Variants in ACSM5 observed in about 807,000 individuals in gnomAD.
ACSM5 encodes acyl-CoA synthetase medium chain family member 5.
In ACSM5, 56 loss-of-function variants were observed where a neutral mutation model predicts 71.6. The ratio of observed to expected loss-of-function variants is 0.78; its 90% CI spans 0.63 to 0.98. The LOEUF (loss-of-function observed/expected upper bound fraction) is 0.98, where lower values mean the gene tolerates loss of function less well. Ranked by LOEUF, ACSM5 falls within the 50% of genes least tolerant of loss-of-function variation. The probability of loss-of-function intolerance (pLI) is 0.00; values close to 1 mark genes in which losing one functional copy is unlikely to be tolerated. For missense variants in ACSM5, 723 were observed against 726.0 expected (o/e 1.00, Z 0.05); for synonymous variants, 285 against 281.5 (o/e 1.01, Z -0.12).
chr16:20,431,135 T>C (rs1314176679), intron 9 of ACSM5, 62 bp downstream of exon 9: 3 of 1,601,034 alleles, frequency 1.9e-6, no homozygotes, highest in Non-Finnish European at 1.7e-6. Context: ...CACACAGGCC[T>C]GGTTGGCACG....
At chr16:20,426,841 G>A (rs958591060) in intron 6 of ACSM5, among the ~76,000 whole-genome samples, 195 of 152,190 alleles carry the variant, frequency 1.3e-3, no homozygotes, top group Admixed American at 3.0e-3. Flanking sequence ...TGGTAGCGAT[G>A]GTTGCACAAC....
At chr16:20,425,029 A>G (rs1289837058) in intron 6 of ACSM5, among the ~76,000 whole-genome samples, 1 of 152,206 alleles carries the variant, frequency 6.6e-6, no homozygotes, top group Non-Finnish European at 1.5e-5. Flanking sequence ...TTTAAAATGT[A>G]CAATTAAGTT....
chr16:20,437,877 C>G (rs1056885040), intron 12 of ACSM5, among the ~76,000 whole-genome samples: 2 of 151,018 alleles, frequency 1.3e-5, no homozygotes, highest in Non-Finnish European at 2.9e-5. Context: ...GGCTGAAGTG[C>G]AGTGGCATGA....
chr16:20,415,260 G>A (rs1275145367), intron 2 of ACSM5, among the ~76,000 whole-genome samples: 2 of 152,218 alleles, frequency 1.3e-5, no homozygotes, highest in Non-Finnish European at 2.9e-5. Flanking sequence ...GATATTCACT[G>A]TCAGAAAAGT....
chr16:20,438,089 A>G (rs1284533598), intron 12 of ACSM5, among the ~76,000 whole-genome samples: 2 of 151,852 alleles, frequency 1.3e-5, no homozygotes, highest in South Asian at 2.1e-4. Context: ...CCGGCTCCCA[A>G]AGTGCTGGGA....
chr16:20,430,242 A>C (rs1967068359), intron 8 of ACSM5, among the ~76,000 whole-genome samples: 1 of 151,064 alleles, frequency 6.6e-6, no homozygotes, highest in African/African-American at 2.4e-5. Context: ...CACACTACTT[A>C]TAAATTAAAA....
At chr16:20,422,926 A>G (rs113402288) in intron 5 of ACSM5, among the ~76,000 whole-genome samples, 4,957 of 152,296 alleles carry the variant, frequency 0.033, 113 homozygotes, top group South Asian at 0.061. Context: ...GAACTGTGGG[A>G]TGAGCTGTCT....
At chr16:20,420,026 G>T (rs1432595811) in intron 4 of ACSM5, among the ~76,000 whole-genome samples, 1 of 152,204 alleles carries the variant, frequency 6.6e-6, no homozygotes, top group Non-Finnish European at 1.5e-5. Context: ...GTGCTAAAAA[G>T]TAGTCAAGTC....
At chr16:20,421,615 CTATATA>C (rs59443556) in intron 5 of ACSM5, among the ~76,000 whole-genome samples, 11,568 of 105,154 alleles carry the variant, frequency 0.11, 707 homozygotes, top group Admixed American at 0.16. Flanking sequence ...TAAATCGTGG[CTATATA>C]TATATATATA....
At position 20,424,178 on chromosome 16, in the gene ACSM5, T is replaced by C. The variant is rs542697417; in HGVS notation, c.921+109T>C. 96 of 1,383,734 alleles carry C rather than the reference T, an allele frequency of 6.9e-5. 1 individual carries two copies. The African/African-American group carries it at 1.1e-3, about 15-fold the overall frequency. 85.7% of individuals were successfully genotyped at this position (1,383,734 alleles called of 1,614,324 possible). ...ACACATAAATCAGTGAATTTAAGGC[T>C]TCTTTGGTGTGGCTCCCTGGCCTTC... is the stretch of plus-strand genomic sequence containing the variant. On this transcript the variant is annotated intron_variant, in intron 6 of 13. Coordinates refer to ENST00000331849, the MANE Select transcript of ACSM5 (RefSeq NM_017888.3).
At chr16:20,431,692 T>C (rs1292859686) in intron 10 of ACSM5, among the ~76,000 whole-genome samples, 1 of 152,034 alleles carries the variant, frequency 6.6e-6, no homozygotes, top group Non-Finnish European at 1.5e-5. Flanking sequence ...GGCTCACATC[T>C]GTAATCTCAG....
At chr16:20,419,522 CAT>C in intron 4 of ACSM5, 87 bp downstream of exon 4, 2 of 1,316,246 alleles carry the variant, frequency 1.5e-6, no homozygotes, top group Non-Finnish European at 1.1e-6. Flanking sequence ...TGATTCCACA[CAT>C]AGAGAGCGAA....
chr16:20,431,289 A>G lies in ACSM5; in HGVS notation c.1276A>G (p.Thr426Ala), dbSNP rs1374111371. 6.2e-7 allele frequency: 1 copy of G among 1,614,032 alleles called. No homozygotes were observed. Among genetic ancestry groups the G allele is most frequent in the South Asian group, 1.1e-5 (1 of 91,074 alleles). ...GAATGTTGCCGTCCGTATCAGACCC[A>G]CTCGGCCCTTCTGTTTCTTCAATTG... is the stretch of plus-strand genomic sequence containing the variant. Reference protein sequence around the residue: ...EGNVAVRIRPTRPFCFFNCYL... With the variant: ...EGNVAVRIRPARPFCFFNCYL... The change falls in exon 10 of 14, where the codon ACT becomes GCT. Residue 426 changes from threonine to alanine, a missense_variant. Transcript: ENST00000331849.
At chr16:20,431,968 A>G (rs1967109873) in intron 10 of ACSM5, among the ~76,000 whole-genome samples, 2 of 150,572 alleles carry the variant, frequency 1.3e-5, no homozygotes, top group African/African-American at 4.9e-5. Flanking sequence ...AATAATAATA[A>G]TAAAATAAAT....
At chr16:20,424,384 G>A (rs1007694233) in intron 6 of ACSM5, among the ~76,000 whole-genome samples, 1 of 152,102 alleles carries the variant, frequency 6.6e-6, no homozygotes, top group Non-Finnish European at 1.5e-5. Flanking sequence ...GGCAAAATCA[G>A]TCTATGCCTC....
intron 10 of ACSM5, among the ~76,000 whole-genome samples, chr16:20,435,549 A>C (rs949229346): frequency 2.6e-5 from 4 of 152,212 alleles, no homozygotes; most frequent in Non-Finnish European, 2.9e-5. Flanking sequence ...CTTTTAACAC[A>C]TGTCCGCCCC....
chr16:20,411,418 C>T (rs1966847374), intron 1 of ACSM5, 52 bp from the exon 2 acceptor site: 2 of 1,514,896 alleles, frequency 1.3e-6, no homozygotes, highest in Non-Finnish European at 9.0e-7. Flanking sequence ...TATGTGTTGT[C>T]CCCAAAGCCC....
intron 8 of ACSM5, 31 bp downstream of exon 8, chr16:20,429,832 C>A (rs369985079): frequency 2.2e-5 from 36 of 1,607,298 alleles, no homozygotes; most frequent in Admixed American, 1.2e-4. Flanking sequence ...GTCCCTACCC[C>A]CCAGGTCCCC....
intron 10 of ACSM5, 139 bp from the exon 11 acceptor site, chr16:20,436,913 C>T (rs1967210646): frequency 2.2e-6 from 2 of 923,330 alleles, no homozygotes; most frequent in Non-Finnish European, 3.3e-6. Context: ...CATTGGGGAA[C>T]TCTGGGCAGC....
Sources: gnomAD v4.1 joint callset for allele counts (sites outside exome capture counted in the v4.1 genomes callset) on GRCh38, gnomAD v4.1.1 for gene constraint, MANE v1.5 for transcripts, NCBI Gene and HGNC (gene_info 2026-07-23, HGNC 2026-07-21) for gene names.